The following HERC1 variants were observed in gnomAD, a reference collection of about 807,000 sequenced individuals.
HERC1 encodes HECT and RLD domain containing E3 ubiquitin protein ligase family member 1.
HERC1 carries 160 observed loss-of-function variants against 554.3 expected under a neutral mutation model. The observed-to-expected ratio is 0.29, with a 90% CI of 0.25 to 0.33. The LOEUF is 0.33. Ranked by LOEUF, HERC1 falls within the 10% of genes least tolerant of loss-of-function variation. The pLI, the probability that HERC1 is intolerant of heterozygous loss-of-function variation, is 1.00. For missense variants in HERC1, 4,919 were observed against 5,918.5 expected, an observed-to-expected ratio of 0.83 and a Z score of 5.54; for synonymous variants, 2,175 against 2,131.7, an observed-to-expected ratio of 1.02 and a Z score of -0.56.
intron 11 of HERC1, 57 bp downstream of exon 11, chr15:63,747,667 T>C: frequency 2.9e-6 from 3 of 1,031,390 alleles, no homozygotes; most frequent in Non-Finnish European, 2.8e-6. Flanking sequence ...TTTATACACA[T>C]GCACACACGC....
chr15:63,621,215 C>T (rs1368843788), intron 74 of HERC1, among the ~76,000 whole-genome samples: 1 of 152,184 alleles, frequency 6.6e-6, no homozygotes, highest in East Asian at 1.9e-4. Context: ...TCAGCATTTG[C>T]TTGTCTGTAA....
chr15:63,742,476 T>G (rs947318310), intron 12 of HERC1, among the ~76,000 whole-genome samples: 1 of 152,232 alleles, frequency 6.6e-6, no homozygotes, highest in Non-Finnish European at 1.5e-5. Context: ...ACATGAGTTT[T>G]ATTTCATTAT....
chr15:63,789,158 T>A (rs1473317673), intron 1 of HERC1, among the ~76,000 whole-genome samples: 1 of 125,938 alleles, frequency 7.9e-6, no homozygotes, highest in Non-Finnish European at 1.6e-5. Flanking sequence ...TGGTGCAATC[T>A]CGGCTCACTG....
intron 22 of HERC1, among the ~76,000 whole-genome samples, chr15:63,715,713 A>T (rs2073518246): frequency 6.6e-6 from 1 of 152,248 alleles, no homozygotes; most frequent in African/African-American, 2.4e-5. Context: ...TAAATGTTTT[A>T]AAAACTTGAT....
chr15:63,695,383 C>CATTTT (rs1567023180), intron 27 of HERC1, among the ~76,000 whole-genome samples: 1 of 103,306 alleles, frequency 9.7e-6, no homozygotes. Flanking sequence ...TCTGTATAAT[C>CATTTT]TTTTTTTTTT....
chr15:63,703,809 T>C (rs2072856638), intron 25 of HERC1, among the ~76,000 whole-genome samples: 1 of 151,694 alleles, frequency 6.6e-6, no homozygotes. Flanking sequence ...CTTGAGAGGC[T>C]CAGATGGGAG....
Position 63,775,036 on chromosome 15 carries a change from T to C in HERC1, c.588A>G (p.Ala196=). The change falls in exon 2 of 78, where the codon GCA becomes GCG. Residue 196 remains alanine (A), a synonymous_variant. Coordinates refer to ENST00000443617, the MANE Select transcript of HERC1 (RefSeq NM_003922.4). The surrounding 1 kb of genome is among the most constrained non-coding windows in gnomAD (Gnocchi z 4.0). ...GTGGCAAAGAGCTCACAACTTCAAT[T>C]GCAGTATGAATGACATCGTTGCAAA... ...LSLCNDVIHT[A]IEVVSSLPPL... The C allele has an allele frequency of 1.2e-6, 2 of 1,614,014 alleles. No individual in the cohort carries two copies. Among genetic ancestry groups the C allele is most frequent in the Non-Finnish European group, 1.7e-6 (2 of 1,179,862 alleles).
At chr15:63,665,785 A>T (rs1243980041) in intron 42 of HERC1, 134 bp downstream of exon 42, 9 of 626,514 alleles carry the variant, frequency 1.4e-5, no homozygotes, top group Non-Finnish European at 2.1e-5. Context: ...CTTGTAACTA[A>T]AATGCCCATC....
chr15:63,824,453 GA>G (rs1706495037), intron 1 of HERC1, among the ~76,000 whole-genome samples: 1 of 149,842 alleles, frequency 6.7e-6, no homozygotes. Context: ...AGAATCACTT[GA>G]ACCCGGGAGG....
chr15:63,687,041 GAGA>G (rs1283944934), intron 33 of HERC1, among the ~76,000 whole-genome samples: 1 of 152,186 alleles, frequency 6.6e-6, no homozygotes, highest in Non-Finnish European at 1.5e-5. Context: ...AGTCTAGAAA[GAGA>G]AGAAGAAATC....
At chr15:63,642,723 A>G (rs942362726) in intron 59 of HERC1, among the ~76,000 whole-genome samples, 6 of 152,198 alleles carry the variant, frequency 3.9e-5, no homozygotes, top group Non-Finnish European at 7.4e-5. Flanking sequence ...GAAATTGTTC[A>G]ATATCTAAGC....
intron 53 of HERC1, among the ~76,000 whole-genome samples, chr15:63,650,993 A>T (rs2069645594): frequency 6.6e-6 from 1 of 152,154 alleles, no homozygotes; most frequent in Non-Finnish European, 1.5e-5. Flanking sequence ...CCCAAACCCT[A>T]CTCTGAATAC....
intron 76 of HERC1, among the ~76,000 whole-genome samples, chr15:63,614,137 A>T (rs1013404720): frequency 2.0e-5 from 3 of 152,224 alleles, no homozygotes; most frequent in African/African-American, 7.2e-5. Context: ...AAGAGGAGGA[A>T]GGGCTTGTTA....
chr15:63,689,037 T>C (rs192753704), intron 33 of HERC1, among the ~76,000 whole-genome samples: 14 of 152,286 alleles, frequency 9.2e-5, no homozygotes, highest in Non-Finnish European at 1.8e-4. Context: ...TCAAACTCTG[T>C]GGAACACCAA....
At chr15:63,747,238 T>A (rs564408437) in intron 11 of HERC1, among the ~76,000 whole-genome samples, 155 bp from the exon 12 acceptor site, 1 of 152,250 alleles carries the variant, frequency 6.6e-6, no homozygotes, top group East Asian at 1.9e-4. Flanking sequence ...GGTGGGTGGA[T>A]CACCTGAAGT....
rs574272118 is a variant in HERC1 at position 63,680,849 on chromosome 15, C to A, written c.6226-73G>T. Reference sequence around the variant, plus strand: ...ATACTATTAACTGCATTAACCAATACTGAAAATATGTTTATAAATAATACT... The same window carrying A: ...ATACTATTAACTGCATTAACCAATAATGAAAATATGTTTATAAATAATACT... On this transcript the variant is annotated intron_variant, in intron 34 of 77. Coordinates refer to ENST00000443617, the MANE Select transcript of HERC1 (RefSeq NM_003922.4). The surrounding 1 kb of genome is among the most constrained non-coding windows in gnomAD (Gnocchi z 5.8). 1.3e-4 allele frequency: 128 copies of A among 986,110 alleles called. No individual in the cohort carries two copies. Among genetic ancestry groups the A allele is most frequent in the Middle Eastern group, 1.2e-3 (5 of 4,150 alleles). 61.1% of individuals were successfully genotyped at this position (986,110 alleles called of 1,614,324 possible).
At chr15:63,787,939 C>T (rs148073051) in intron 1 of HERC1, among the ~76,000 whole-genome samples, 38 of 125,992 alleles carry the variant, frequency 3.0e-4, no homozygotes, top group African/African-American at 1.1e-3. Context: ...CCAGTCTTGG[C>T]GACAGGGTGA....
In HERC1 at chr15:63,654,112, T is replaced by A. The variant is rs1239986672; in HGVS notation, c.10290+7A>T. 1.9e-6 allele frequency: 3 copies of A among 1,604,288 alleles called. No individual in the cohort carries two copies. Among genetic ancestry groups the A allele is most frequent in the Non-Finnish European group, 2.6e-6 (3 of 1,171,302 alleles). On this transcript the variant is annotated splice_region_variant and intron_variant, in intron 51 of 77. Transcript: ENST00000443617. ...TGATTAACACACTTTCCACTCAAAA[T>A]ACTTACTCTGTTCTGATGAGCCTCC...
chr15:63,628,607 C>G, intron 70 of HERC1, 70 bp downstream of exon 70: 2 of 1,465,626 alleles, frequency 1.4e-6, no homozygotes, highest in Non-Finnish European at 1.8e-6. Context: ...TGGGAACTGG[C>G]AAGCAGACAG....
Sources: gnomAD v4.1 joint callset for allele counts (sites outside exome capture counted in the v4.1 genomes callset) on GRCh38, gnomAD v4.1.1 for gene constraint, Gnocchi (gnomAD v3.1) non-coding constraint, MANE v1.5 for transcripts, NCBI Gene and HGNC (gene_info 2026-07-23, HGNC 2026-07-21) for gene names.